Variants in RUFY3 observed in about 807,000 individuals in gnomAD.
RUFY3 encodes the protein protein RUFY3.
RUFY3 carries 34 observed loss-of-function variants against 84.0 expected under a neutral mutation model. The observed-to-expected ratio is 0.40, with a 90% confidence interval of 0.31 to 0.54. RUFY3 has a LOEUF of 0.54. Ranked by LOEUF, RUFY3 falls within the 20% of genes least tolerant of loss-of-function variation. The probability of loss-of-function intolerance (pLI) is 0.39; values close to 1 mark genes in which losing one functional copy is unlikely to be tolerated. For missense variants in RUFY3, 507 were observed against 736.8 expected, an observed-to-expected ratio of 0.69 and a Z score of 3.61; for synonymous variants, 242 against 252.9, an observed-to-expected ratio of 0.96 and a Z score of 0.41.
intron 1 of RUFY3, among the ~76,000 whole-genome samples, chr4:70,756,958 G>A (rs1278303159): frequency 1.3e-5 from 2 of 151,946 alleles, no homozygotes; most frequent in African/African-American, 2.4e-5. Context: ...ATAGGTTTAT[G>A]TCATTTAACA....
At chr4:70,733,505 G>C (rs1235968710) in intron 1 of RUFY3, among the ~76,000 whole-genome samples, 1 of 152,066 alleles carries the variant, frequency 6.6e-6, no homozygotes, top group Non-Finnish European at 1.5e-5. Context: ...GAAATAATAA[G>C]AGATACAAAC....
intron 12 of RUFY3, chr4:70,792,600 T>C: frequency 1.0e-6 from 1 of 985,448 alleles, no homozygotes; most frequent in African/African-American, 1.7e-5. Flanking sequence ...GGTTTTTTTC[T>C]CTTTTTTTCA....
chr4:70,784,782 T>C lies in RUFY3; in HGVS notation c.988-14T>C. 2 of 1,571,628 alleles carry C rather than the reference T, an allele frequency of 1.3e-6. No homozygotes were observed. The highest frequency in any genetic ancestry group is 1.7e-6 in the Non-Finnish European group (2 of 1,158,416). On this transcript the variant is annotated splice_polypyrimidine_tract_variant and intron_variant, in intron 9 of 17. Transcript: ENST00000381006. ...AAATCCTTAAATATGTACAATGTTA[T>C]TTATCTTTTCAAGGGTCCCAAGCAA...
intron 1 of RUFY3, among the ~76,000 whole-genome samples, chr4:70,711,062 T>TG (rs1453797445): frequency 4.9e-5 from 4 of 81,260 alleles, no homozygotes; most frequent in African/African-American, 1.5e-4. Flanking sequence ...AGACTCCGTC[T>TG]GGAAAAAAAA....
At chr4:70,802,914 T>G in intron 15 of RUFY3, 42 bp from the exon 16 acceptor site, 1 of 1,474,412 alleles carries the variant, frequency 6.8e-7, no homozygotes. Flanking sequence ...TGAAAATACA[T>G]GAAGTTCCTA....
At chr4:70,748,578 A>T (rs1452107461) in intron 1 of RUFY3, among the ~76,000 whole-genome samples, 1 of 152,148 alleles carries the variant, frequency 6.6e-6, no homozygotes, top group Non-Finnish European at 1.5e-5. Flanking sequence ...TGTTTCTTGG[A>T]TGCTGGCAAA....
intron 1 of RUFY3, among the ~76,000 whole-genome samples, chr4:70,736,460 T>A (rs1204042352): frequency 1.3e-5 from 2 of 152,244 alleles, no homozygotes; most frequent in African/African-American, 2.4e-5. Flanking sequence ...ACCACACCTG[T>A]GCTGTGTGAC....
At chr4:70,707,476 C>T (rs1740469431) in intron 1 of RUFY3, among the ~76,000 whole-genome samples, 2 of 152,158 alleles carry the variant, frequency 1.3e-5, no homozygotes, top group Admixed American at 1.3e-4. Flanking sequence ...GAACTCCTGA[C>T]CTCAAATGAT....
rs1553916771 is a variant in RUFY3 at position 70,774,644 on chromosome 4, A to AAAT, written c.759-523_759-522insATA. Among the ~76,000 whole-genome samples, 386 of 56,536 alleles carry AAAT rather than the reference A, an allele frequency of 6.8e-3. 12 individuals are homozygous for AAAT. Among genetic ancestry groups the AAAT allele is most frequent in the Non-Finnish European group, 0.01 (332 of 32,246 alleles). 37.1% of individuals were successfully genotyped at this position (56,536 alleles called of 152,430 possible). A position where few individuals can be genotyped will look rare whatever the true frequency, so the allele number is the denominator to read the frequency against. ...AAAAAAAAAAAAAAAAAAAAAAAAA[A>AAAT]ATATATATATATATATATATATATA... On this transcript the variant is annotated intron_variant, in intron 6 of 17. Transcript: ENST00000381006.
chr4:70,714,669 T>C (rs1162297502), intron 1 of RUFY3, among the ~76,000 whole-genome samples: 1 of 152,202 alleles, frequency 6.6e-6, no homozygotes, highest in Non-Finnish European at 1.5e-5. Flanking sequence ...CAAGTATCTA[T>C]TGAGAGTCTG....
intron 1 of RUFY3, among the ~76,000 whole-genome samples, chr4:70,743,600 C>A (rs937859272): frequency 2.0e-5 from 3 of 151,506 alleles, no homozygotes; most frequent in Non-Finnish European, 2.9e-5. Flanking sequence ...TTTGTTTTTG[C>A]TGGGATTTTT....
In RUFY3 at chr4:70,722,366, G is replaced by A; in HGVS notation, c.-208G>A. The A allele has an allele frequency of 1.5e-6, 2 of 1,315,568 alleles. No homozygotes were observed. The highest frequency in any genetic ancestry group is 2.7e-5 in the South Asian group (1 of 37,618). The allele number at this position is 1,315,568 out of a possible 1,614,324, so 81.5% of individuals were successfully genotyped here. A position where few individuals can be genotyped will look rare whatever the true frequency, so the allele number is the denominator to read the frequency against. On this transcript the variant is annotated 5_prime_UTR_variant, in exon 1 of 18. Transcript: ENST00000381006. ...TAGGAACTGTCTATAAGATAGTGTA[G>A]AATTGTTTATCTTGAGCAGTTTGTT...
intron 1 of RUFY3, chr4:70,705,416 C>A: frequency 1.5e-6 from 1 of 663,116 alleles, no homozygotes; most frequent in Non-Finnish European, 2.2e-6. Context: ...GGCCGGGAGG[C>A]GGGGGCTTTA....
chr4:70,766,650 C>T lies in RUFY3; in HGVS notation c.573-1888C>T, dbSNP rs140771372. On this transcript the variant is annotated intron_variant, in intron 4 of 17. Transcript: ENST00000381006. ...GATATTTTTCATACATACCCTTCCC[C>T]CCTGTACAACCTCCCTCATTATCAA... 8.2e-3 allele frequency among the ~76,000 whole-genome samples: 1,243 copies of T among 152,236 alleles called. 16 individuals carry two copies. The highest frequency in any genetic ancestry group is 0.028 in the African/African-American group (1,181 of 41,528).
chr4:70,800,876 T>C lies in RUFY3; in HGVS notation c.1622+671T>C, dbSNP rs1205111779. On this transcript the variant is annotated intron_variant, in intron 15 of 17. Transcript: ENST00000381006. ...CAGCCTGGGCAATACAGTGAGACTC[T>C]GTCTCAAATAAAAAAAAAAGTTCAA... Among the ~76,000 whole-genome samples the C allele has an allele frequency of 3.3e-5, 5 of 152,224 alleles. No homozygotes were observed. The South Asian group carries it at 8.3e-4, about 25-fold the overall frequency.
intron 14 of RUFY3, among the ~76,000 whole-genome samples, chr4:70,796,864 C>T (rs1019464256): frequency 2.0e-5 from 3 of 152,076 alleles, no homozygotes; most frequent in Admixed American, 1.3e-4. Context: ...GCTTCACCAC[C>T]AATTTGATGT....
In RUFY3 at chr4:70,782,725, C is replaced by T. The variant is rs149143700; in HGVS notation, c.895-366C>T. Among the ~76,000 whole-genome samples, 69 of 152,130 alleles carry T rather than the reference C, an allele frequency of 4.5e-4. No individual in the cohort carries two copies. The Middle Eastern group carries it at 0.01, about 22-fold the overall frequency. On this transcript the variant is annotated intron_variant, in intron 8 of 17. Coordinates refer to ENST00000381006, the MANE Select transcript of RUFY3 (RefSeq NM_001037442.4). ...GGCAGAAGTTCAACACCAGCCTGGC[C>T]AACATGGTGAAACCTTGTCTCTACT...
intron 1 of RUFY3, among the ~76,000 whole-genome samples, chr4:70,758,204 G>A (rs1724363788): frequency 6.6e-6 from 1 of 152,138 alleles, no homozygotes; most frequent in African/African-American, 2.4e-5. Context: ...GGTCATTGCA[G>A]CCCTTTTTAA....
intron 1 of RUFY3, among the ~76,000 whole-genome samples, chr4:70,724,875 AT>A (rs1283605332): frequency 6.6e-6 from 1 of 152,206 alleles, no homozygotes; most frequent in Non-Finnish European, 1.5e-5. Context: ...TAGTTATTAG[AT>A]TTAATTTAGC....
Sources: allele counts gnomAD v4.1 joint callset (sites outside exome capture counted in the v4.1 genomes callset), GRCh38; gene constraint gnomAD v4.1.1; transcripts MANE v1.5; gene names NCBI Gene and HGNC (gene_info 2026-07-23, HGNC 2026-07-21).